DENND2A: variants seen among roughly 807,000 people sequenced by gnomAD.
The protein encoded by DENND2A is DENN domain containing 2A, also known as DENN domain-containing protein 2A.
Under a neutral mutation model 105.3 loss-of-function variants are expected in DENND2A, and 53 were observed. The ratio of observed to expected loss-of-function variants is 0.50; its 90% CI spans 0.40 to 0.63. The LOEUF (loss-of-function observed/expected upper bound fraction) is 0.63. DENND2A is among the 30% of genes least tolerant of loss of function. The pLI is 0.00. For synonymous variants in DENND2A, 522 were observed against 508.4 expected, an observed-to-expected ratio of 1.03 and a Z score of -0.36; for missense variants, 1,138 against 1,279.6, an observed-to-expected ratio of 0.89 and a Z score of 1.69.
intron 5 of DENND2A, among the ~76,000 whole-genome samples, chr7:140,582,827 C>T (rs1798598665): frequency 6.6e-6 from 1 of 152,240 alleles, no homozygotes; most frequent in African/African-American, 2.4e-5. Context: ...GCAGCTGGTA[C>T]TTGGCCTTCC....
intron 14 of DENND2A, among the ~76,000 whole-genome samples, chr7:140,528,374 T>C (rs1796137598): frequency 6.6e-6 from 1 of 152,150 alleles, no homozygotes; most frequent in Non-Finnish European, 1.5e-5. Flanking sequence ...GAAAACTCCT[T>C]TGGTACTCAC....
chr7:140,613,593 A>C (rs1356559163), intron 1 of DENND2A, among the ~76,000 whole-genome samples: 5 of 149,778 alleles, frequency 3.3e-5, no homozygotes, highest in African/African-American at 9.9e-5. Context: ...GCAAGATCCC[A>C]CCTCCTAAAA....
intron 17 of DENND2A, 107 bp from the exon 18 acceptor site, chr7:140,522,207 T>A: frequency 7.2e-7 from 1 of 1,397,968 alleles, no homozygotes; most frequent in Non-Finnish European, 9.7e-7. Flanking sequence ...CTAGTTCCCT[T>A]GATGGAAACT....
chr7:140,578,593 T>C (rs189835315), intron 5 of DENND2A, among the ~76,000 whole-genome samples: 2 of 152,300 alleles, frequency 1.3e-5, no homozygotes, highest in East Asian at 1.9e-4. Flanking sequence ...GAGAAAGGCA[T>C]ACAAGGGCCA....
chr7:140,518,794 A>T, intron 19 of DENND2A, 56 bp from the exon 20 acceptor site: 1 of 1,576,858 alleles, frequency 6.3e-7, no homozygotes, highest in Non-Finnish European at 8.7e-7. Context: ...GGGTGAGATA[A>T]ATCTTGCCCT....
rs1440598306 is a variant in DENND2A at position 140,587,663 on chromosome 7, T to C, written c.1113A>G (p.Glu371=). Residue 371 remains glutamate, a synonymous_variant, in exon 4 of 20, where the codon GAA becomes GAG. Transcript: ENST00000496613. ...TRTLSEENVY[E]DILDPPMKEN... is the part of the protein sequence containing the mutation. ...GCTGTGGCTTCTTACCTAGAATGTC[T>C]TCATAGACGTTCTCCTCCGATAAAG... 6.2e-7 allele frequency: 1 copy of C among 1,613,938 alleles called. No homozygotes were observed. The highest frequency in any genetic ancestry group is 1.3e-5 in the African/African-American group (1 of 75,014).
intron 5 of DENND2A, among the ~76,000 whole-genome samples, chr7:140,584,836 A>G (rs1002858407): frequency 5.3e-5 from 8 of 152,132 alleles, no homozygotes; most frequent in Admixed American, 1.3e-4. Flanking sequence ...ATATATATGC[A>G]TGTTATTTCA....
chr7:140,587,800 AGG>A lies in DENND2A; in HGVS notation c.996-22_996-21del. The A allele has an allele frequency of 6.5e-7, 1 of 1,531,850 alleles. No homozygotes were observed. The highest frequency in any genetic ancestry group is 8.8e-7 in the Non-Finnish European group (1 of 1,134,354). 94.9% of individuals were successfully genotyped at this position (1,531,850 alleles called of 1,614,324 possible). A position where few individuals can be genotyped will look rare whatever the true frequency, so the allele number is the denominator to read the frequency against. ...GACTTTCTGGAATGTGCCAGATGGG[AGG>A]AAAAAACAAAGAATTTGAATCAAAT... On this transcript the variant is annotated intron_variant, in intron 3 of 19. Transcript: ENST00000496613.
At chr7:140,619,324 C>T (rs1053154962) in intron 1 of DENND2A, among the ~76,000 whole-genome samples, 6 of 151,988 alleles carry the variant, frequency 3.9e-5, no homozygotes, top group Admixed American at 2.6e-4. Context: ...AAGAAGACTA[C>T]GATTCTATAG....
At chr7:140,530,059 C>CAA (rs3042405) in intron 14 of DENND2A, among the ~76,000 whole-genome samples, 2,228 of 122,422 alleles carry the variant, frequency 0.018, 76 homozygotes, top group African/African-American at 0.059. Context: ...CCCTGTTTCT[C>CAA]AAAAAAAAAA....
intron 18 of DENND2A, among the ~76,000 whole-genome samples, chr7:140,521,335 A>G (rs1795853817): frequency 6.6e-6 from 1 of 151,712 alleles, no homozygotes; most frequent in Non-Finnish European, 1.5e-5. Flanking sequence ...GTGCAGTGAC[A>G]TGATCTCGGC....
At chr7:140,553,935 T>TC (rs1797251098) in intron 12 of DENND2A, among the ~76,000 whole-genome samples, 2 of 152,258 alleles carry the variant, frequency 1.3e-5, no homozygotes, top group African/African-American at 4.8e-5. Flanking sequence ...CTCTTTCTTT[T>TC]CCCCACAAGG....
rs60964847 is a variant in DENND2A, at chr7:140,567,304, A to AAGAGAGAGAGAGAGAGAGAGAG, written c.1592-53_1592-32dup. 11 of 659,896 alleles carry AAGAGAGAGAGAGAGAGAGAGAG rather than the reference A, an allele frequency of 1.7e-5. No homozygotes were observed. The African/African-American group carries it at 2.7e-4, about 16-fold the overall frequency. The allele number at this position is 659,896 out of a possible 1,614,324, so 40.9% of individuals were successfully genotyped here. Reference sequence around the variant, plus strand: ...TGAGGGAGGGAGAGAGAAAGAGAGAAAGAGAGAGAGAGAGAGAGAGAGAGA... The same window carrying AAGAGAGAGAGAGAGAGAGAGAG: ...TGAGGGAGGGAGAGAGAAAGAGAGAAAGAGAGAGAGAGAGAGAGAGAGAGAGAGAGAGAGAGAGAGAGAGAGA... On this transcript the variant is annotated intron_variant, in intron 8 of 19. Coordinates refer to ENST00000496613, the MANE Select transcript of DENND2A (RefSeq NM_015689.5).
Position 140,602,450 on chromosome 7 carries a change from C to G in DENND2A, c.-53G>C. On this transcript the variant is annotated 5_prime_UTR_variant, in exon 3 of 20. Coordinates refer to ENST00000496613, the MANE Select transcript of DENND2A (RefSeq NM_015689.5). ...GCCTTCCAGGGGACTCCTTCTGAAG[C>G]CTGACTCCTGATCAGTCTCTAGGAA... The G allele has an allele frequency of 6.7e-7, 1 of 1,496,126 alleles. No homozygotes were observed. 92.7% of individuals were successfully genotyped at this position (1,496,126 alleles called of 1,614,324 possible).
intron 11 of DENND2A, among the ~76,000 whole-genome samples, chr7:140,557,465 G>A (rs1308420126): frequency 1.5e-5 from 2 of 136,416 alleles, no homozygotes; most frequent in Non-Finnish European, 3.1e-5. Flanking sequence ...ATAAGACTCA[G>A]GTGAGCCCCC....
intron 4 of DENND2A, among the ~76,000 whole-genome samples, chr7:140,586,169 C>T (rs1798770802): frequency 6.6e-6 from 1 of 151,880 alleles, no homozygotes; most frequent in South Asian, 2.1e-4. Context: ...TGGTGGCAGC[C>T]ATTGTGGGGA....
intron 1 of DENND2A, among the ~76,000 whole-genome samples, chr7:140,617,329 C>T (rs1432391846): frequency 6.6e-6 from 1 of 152,198 alleles, no homozygotes; most frequent in Non-Finnish European, 1.5e-5. Flanking sequence ...ATCAAGGCTC[C>T]CCCGTACTCT....
rs148213057 is a variant in DENND2A at position 140,544,886 on chromosome 7, A to G, written c.2179-120T>C. Reference sequence around the variant, plus strand: ...CAGGGGTGACCCACTGGTGGGGGAAAAGGGAAAGAAAAAAAGCAAAACAAA... The same window carrying G: ...CAGGGGTGACCCACTGGTGGGGGAAGAGGGAAAGAAAAAAAGCAAAACAAA... On this transcript the variant is annotated intron_variant, in intron 13 of 19. Transcript: ENST00000496613. The G allele has an allele frequency of 8.4e-4, 1,231 of 1,469,326 alleles. 5 individuals are homozygous for G. In the African/African-American group the frequency reaches 0.013, roughly 15 times the overall value. The allele number at this position is 1,469,326 out of a possible 1,614,324, so 91.0% of individuals were successfully genotyped here. A position where few individuals can be genotyped will look rare whatever the true frequency, so the allele number is the denominator to read the frequency against.
intron 12 of DENND2A, among the ~76,000 whole-genome samples, chr7:140,555,157 G>A (rs150875492): frequency 0.023 from 3,462 of 148,032 alleles, 56 homozygotes; most frequent in South Asian, 0.04. Context: ...TTTTTGAGAC[G>A]GAGTCTCACT....
Sources: allele counts gnomAD v4.1 joint callset (sites outside exome capture counted in the v4.1 genomes callset), GRCh38; gene constraint gnomAD v4.1.1; transcripts MANE v1.5; gene names NCBI Gene and HGNC (gene_info 2026-07-23, HGNC 2026-07-21).